FANCL: variants seen among roughly 807,000 people sequenced by gnomAD.
The protein encoded by FANCL is FA complementation group L, also known as E3 ubiquitin-protein ligase FANCL.
FANCL carries 69 observed loss-of-function variants against 59.4 expected under a neutral mutation model. That is an observed-to-expected ratio of 1.16 (90% CI 0.96 to 1.42). The LOEUF is 1.42. Among genes scored for constraint, FANCL ranks in the 40% most tolerant of loss-of-function variants. FANCL has a pLI of 0.00. For missense variants in FANCL, 519 were observed against 447.2 expected (o/e 1.16, Z -1.45); for synonymous variants, 180 against 147.1 (o/e 1.22, Z -1.62).
chr2:58,239,168 G>C (rs749405374), intron 1 of FANCL, among the ~76,000 whole-genome samples: 1 of 152,156 alleles, frequency 6.6e-6, no homozygotes, highest in Non-Finnish European at 1.5e-5. Flanking sequence ...TAAAACCAGA[G>C]AATGTGTGTG....
At chr2:58,198,028 GGT>G (rs113480493) in intron 7 of FANCL, among the ~76,000 whole-genome samples, 10 of 150,332 alleles carry the variant, frequency 6.7e-5, no homozygotes, top group East Asian at 1.9e-4. Flanking sequence ...CAGGCTGGAT[GGT>G]GTGTGTGTGT....
intron 5 of FANCL, among the ~76,000 whole-genome samples, chr2:58,218,664 T>G (rs1411336905): frequency 6.6e-6 from 1 of 151,592 alleles, no homozygotes; most frequent in African/African-American, 2.4e-5. Context: ...GTTGATAAAG[T>G]TGTCACCCAT....
In FANCL at chr2:58,175,459, G is replaced by C. The variant is rs1217473141; in HGVS notation, c.541-9585C>G. Reference sequence around the variant, plus strand: ...CCATGATCAAGTGGGCTTCATCCCTGGGATGCAAGGCTGGTTCAATATACG... The same window carrying C: ...CCATGATCAAGTGGGCTTCATCCCTCGGATGCAAGGCTGGTTCAATATACG... On this transcript the variant is annotated intron_variant, in intron 7 of 13. Coordinates refer to ENST00000233741, the MANE Select transcript of FANCL (RefSeq NM_018062.4). Among the ~76,000 whole-genome samples the C allele has an allele frequency of 2.0e-5, 3 of 151,574 alleles. No individual in the cohort carries two copies. The East Asian group carries it at 5.8e-4, about 29-fold the overall frequency.
intron 7 of FANCL, among the ~76,000 whole-genome samples, chr2:58,172,228 G>C (rs549538428): frequency 6.6e-6 from 1 of 152,212 alleles, no homozygotes; most frequent in Non-Finnish European, 1.5e-5. Context: ...GTCCCTGTCC[G>C]ACAGCTTTGA....
intron 7 of FANCL, among the ~76,000 whole-genome samples, chr2:58,186,744 G>A (rs948728412): frequency 2.6e-5 from 4 of 152,070 alleles, no homozygotes; most frequent in Admixed American, 6.6e-5. Flanking sequence ...GAAAATCCCT[G>A]GGGCAAAAAG....
At chr2:58,204,636 T>C (rs1690400147) in intron 5 of FANCL, among the ~76,000 whole-genome samples, 1 of 152,072 alleles carries the variant, frequency 6.6e-6, no homozygotes, top group Non-Finnish European at 1.5e-5. Context: ...CCTTTGTTTT[T>C]CTCCTCAATG....
intron 6 of FANCL, among the ~76,000 whole-genome samples, chr2:58,203,105 A>AT: frequency 6.6e-6 from 1 of 151,800 alleles, no homozygotes; most frequent in East Asian, 1.9e-4. Context: ...TATCTAACTT[A>AT]TTTTACAAAT....
At chr2:58,183,081 C>T (rs962007389) in intron 7 of FANCL, among the ~76,000 whole-genome samples, 2 of 151,588 alleles carry the variant, frequency 1.3e-5, no homozygotes, top group African/African-American at 4.8e-5. Flanking sequence ...TAGTACTCAT[C>T]CTAGAGAAGT....
chr2:58,215,776 C>T (rs1691657646), intron 5 of FANCL, among the ~76,000 whole-genome samples: 1 of 151,382 alleles, frequency 6.6e-6, no homozygotes, highest in African/African-American at 2.4e-5. Flanking sequence ...ACTGGAAAGG[C>T]CAGAATCTGG....
chr2:58,195,594 T>C (rs1417826391), intron 7 of FANCL, among the ~76,000 whole-genome samples: 3 of 152,098 alleles, frequency 2.0e-5, no homozygotes, highest in Non-Finnish European at 4.4e-5. Context: ...AGTTAAACTC[T>C]GTATGACAAA....
rs577698619 is a variant in FANCL at position 58,233,304 on chromosome 2, T to C, written c.97-1192A>G. 3.9e-5 allele frequency among the ~76,000 whole-genome samples: 6 copies of C among 152,216 alleles called. No individual in the cohort carries two copies. The South Asian group carries it at 1.2e-3, about 32-fold the overall frequency. ...AAGAATAAAATTCCAAAGTCCCTTA[T>C]TTGCAAAGCCCAGCCATTTTAAAAG... On this transcript the variant is annotated intron_variant, in intron 1 of 13. Coordinates refer to ENST00000233741, the MANE Select transcript of FANCL (RefSeq NM_018062.4).
At chr2:58,199,212 A>T (rs1001192756) in intron 6 of FANCL, among the ~76,000 whole-genome samples, 2 of 152,134 alleles carry the variant, frequency 1.3e-5, no homozygotes, top group Non-Finnish European at 2.9e-5. Context: ...GTGTTGAGTA[A>T]AAGGTAATGA....
chr2:58,185,411 G>T lies in FANCL; in HGVS notation c.540+13183C>A, dbSNP rs186313367. The stretch of plus-strand genomic sequence containing the variant: ...AGTTTCTGAACACACATACTGAAAA[G>T]ATTTCTGAACAAACCATCCAACTAG... On this transcript the variant is annotated intron_variant, in intron 7 of 13. Transcript: ENST00000233741. 2.6e-5 allele frequency among the ~76,000 whole-genome samples: 4 copies of T among 152,158 alleles called. No homozygotes were observed. In the East Asian group the frequency reaches 7.7e-4, roughly 29 times the overall value.
chr2:58,176,841 G>A (rs1206341246), intron 7 of FANCL, among the ~76,000 whole-genome samples: 3 of 152,126 alleles, frequency 2.0e-5, no homozygotes, highest in Non-Finnish European at 4.4e-5. Context: ...GAGTGAACAG[G>A]CAACCTACAA....
chr2:58,166,808 C>T (rs1463997118), intron 7 of FANCL, among the ~76,000 whole-genome samples: 1 of 152,230 alleles, frequency 6.6e-6, no homozygotes, highest in African/African-American at 2.4e-5. Flanking sequence ...ATACCTAATA[C>T]TTAAGGAAAA....
chr2:58,187,170 G>A (rs1688484030), intron 7 of FANCL, among the ~76,000 whole-genome samples: 1 of 152,070 alleles, frequency 6.6e-6, no homozygotes, highest in South Asian at 2.1e-4. Flanking sequence ...CAACCCAAAT[G>A]TCCATCAATG....
intron 1 of FANCL, among the ~76,000 whole-genome samples, chr2:58,236,776 C>T (rs965015593): frequency 6.6e-6 from 1 of 151,720 alleles, no homozygotes; most frequent in African/African-American, 2.4e-5. Flanking sequence ...AAAGATAAAC[C>T]ATGGTAACAT....
At position 58,173,769 on chromosome 2, in the gene FANCL, C is replaced by G. The variant is rs530287872; in HGVS notation, c.541-7895G>C. Among the ~76,000 whole-genome samples the G allele has an allele frequency of 2.0e-5, 3 of 152,250 alleles. No individual in the cohort carries two copies. The East Asian group carries it at 5.8e-4, about 29-fold the overall frequency. On this transcript the variant is annotated intron_variant, in intron 7 of 13. Transcript: ENST00000233741. ...CCAGCTAACATCATAATGACAGGAT[C>G]AAACTCACACATAACAATATTAACT... is the stretch of plus-strand genomic sequence containing the variant.
chr2:58,175,271 C>A (rs1164336955), intron 7 of FANCL, among the ~76,000 whole-genome samples: 2 of 148,700 alleles, frequency 1.3e-5, no homozygotes, highest in South Asian at 2.1e-4. Context: ...GGAATCCTCC[C>A]TAACTCATTT....
Sources: allele counts gnomAD v4.1 joint callset (sites outside exome capture counted in the v4.1 genomes callset), GRCh38; gene constraint gnomAD v4.1.1; transcripts MANE v1.5; gene names NCBI Gene and HGNC (gene_info 2026-07-23, HGNC 2026-07-21).